OR8G1: variants seen among roughly 807,000 people sequenced by gnomAD.
OR8G1 encodes olfactory receptor 8G1.
For missense variants in OR8G1, 372 were observed against 356.2 expected, an observed-to-expected ratio of 1.04 and a Z score of -0.36; for synonymous variants, 129 against 133.3, an observed-to-expected ratio of 0.97 and a Z score of 0.22.
rs1861869505 is a variant in OR8G1 at position 124,251,791 on chromosome 11, C to G, written c.*1180C>G. 6.5e-6 allele frequency: 1 copy of G among 154,690 alleles called. No individual in the cohort carries two copies. Among genetic ancestry groups the G allele is most frequent in the Non-Finnish European group, 1.4e-5 (1 of 69,378 alleles). 9.6% of individuals were successfully genotyped at this position (154,690 alleles called of 1,614,324 possible). On this transcript the variant is annotated 3_prime_UTR_variant, in exon 3 of 3. Transcript: ENST00000641972. The stretch of plus-strand genomic sequence containing the variant: ...TGCCTAGAGCAGAACATAATTTTAC[C>G]TGTGCTGGTAATGAGAAAATTCCTT...
At chr11:124,249,513 TTAAA>T (rs1198899500) in intron 2 of OR8G1, 143 bp from the exon 3 acceptor site, 12 of 666,772 alleles carry the variant, frequency 1.8e-5, no homozygotes, top group Admixed American at 6.7e-5. Flanking sequence ...GAAAATAAGA[TTAAA>T]TAAATATTAT....
In OR8G1 at chr11:124,249,504, A is replaced by C. The variant is rs550428832; in HGVS notation, c.-16-156A>C. On this transcript the variant is annotated intron_variant, in intron 2 of 2. Transcript: ENST00000641972. ...ACATGAAACACATTTATTATATTTGAAAATAAGATTAAATAAATATTATTT... is the reference window on the plus strand; with the variant it reads ...ACATGAAACACATTTATTATATTTGCAAATAAGATTAAATAAATATTATTT... 3 of 284,336 alleles carry C rather than the reference A, an allele frequency of 1.1e-5. No individual in the cohort carries two copies. The South Asian group carries it at 4.1e-4, about 38-fold the overall frequency. The allele number at this position is 284,336 out of a possible 1,614,324, so 17.6% of individuals were successfully genotyped here. A position where few individuals can be genotyped will look rare whatever the true frequency, so the allele number is the denominator to read the frequency against.
At chr11:124,242,580 A>T (rs1861771265) in intron 1 of OR8G1, among the ~76,000 whole-genome samples, 1 of 148,882 alleles carries the variant, frequency 6.7e-6, no homozygotes, top group East Asian at 2.0e-4. Context: ...TCCATGGCAT[A>T]TGAGTTGGAA....
chr11:124,246,325 T>C (rs917053595), intron 1 of OR8G1, among the ~76,000 whole-genome samples: 1 of 152,002 alleles, frequency 6.6e-6, no homozygotes. Context: ...CTATTTTACG[T>C]GATACTATTT....
chr11:124,241,485 T>C (rs1010384015), intron 1 of OR8G1, 121 bp downstream of exon 1: 1 of 152,096 alleles, frequency 6.6e-6, no homozygotes, highest in Non-Finnish European at 1.5e-5. Flanking sequence ...TATGAAATGC[T>C]CTTTTAAACC....
In OR8G1 at chr11:124,253,488, T is replaced by C. The variant is rs1861882884; in HGVS notation, c.*2877T>C. The C allele has an allele frequency of 6.7e-6, 1 of 149,946 alleles. No individual in the cohort carries two copies. The highest frequency in any genetic ancestry group is 6.8e-5 in the Admixed American group (1 of 14,744). The allele number at this position is 149,946 out of a possible 1,614,324, so 9.3% of individuals were successfully genotyped here. Reference sequence around the variant, plus strand: ...ACAACTTTTAATGGTCAAAAAATATTGTATATATTATTGTGTACAAGTTAT... The same window carrying C: ...ACAACTTTTAATGGTCAAAAAATATCGTATATATTATTGTGTACAAGTTAT... On this transcript the variant is annotated 3_prime_UTR_variant, in exon 3 of 3. Coordinates refer to ENST00000641972, the MANE Select transcript of OR8G1 (RefSeq NM_001002905.2).
chr11:124,243,623 G>C (rs1861781236), intron 1 of OR8G1, among the ~76,000 whole-genome samples: 1 of 151,758 alleles, frequency 6.6e-6, no homozygotes, highest in Non-Finnish European at 1.5e-5. Context: ...TCATTGTATT[G>C]GCTATTTCTT....
chr11:124,249,911 C>T lies in OR8G1; in HGVS notation c.236C>T (p.Pro79Leu). 3.7e-6 allele frequency: 6 copies of T among 1,614,046 alleles called. No individual in the cohort carries two copies. Among genetic ancestry groups the T allele is most frequent in the East Asian group, 2.2e-5 (1 of 44,878 alleles). ...IDFCHSTVIT[P>L]KMLVNFVTEK... Reference sequence around the variant, plus strand: ...TTCTGCCATTCCACTGTCATTACCCCTAAGATGCTGGTGAACTTTGTGACA... The same window carrying T: ...TTCTGCCATTCCACTGTCATTACCCTTAAGATGCTGGTGAACTTTGTGACA... The change falls in exon 3 of 3, where the codon CCT (proline) becomes CTT (leucine). Residue 79 changes from proline to leucine, a missense_variant. Physicochemically the swap from Pro to Leu is moderately conservative, Grantham distance 98. Transcript: ENST00000641972.
At chr11:124,242,572 C>CCTG (rs1373152660) in intron 1 of OR8G1, among the ~76,000 whole-genome samples, 2,632 of 151,540 alleles carry the variant, frequency 0.017, 86 homozygotes, top group African/African-American at 0.06. Context: ...ATTTCAGTTC[C>CCTG]ATGGCATATG....
In OR8G1 at chr11:124,250,861, A is replaced by G; in HGVS notation, c.*250A>G. ...ATGAGTACATAGACTCATTAATGCCAGCCCCATGTTCTTACCTCTTTTCTT... is the reference window on the plus strand; with the variant it reads ...ATGAGTACATAGACTCATTAATGCCGGCCCCATGTTCTTACCTCTTTTCTT... On this transcript the variant is annotated 3_prime_UTR_variant, in exon 3 of 3. Coordinates refer to ENST00000641972, the MANE Select transcript of OR8G1 (RefSeq NM_001002905.2). The G allele has an allele frequency of 5.4e-6, 1 of 183,884 alleles. No homozygotes were observed. The highest frequency in any genetic ancestry group is 9.6e-6 in the Non-Finnish European group (1 of 103,986). 11.4% of individuals were successfully genotyped at this position (183,884 alleles called of 1,614,324 possible).
chr11:124,245,804 A>G (rs1348091845), intron 1 of OR8G1, among the ~76,000 whole-genome samples: 1 of 150,462 alleles, frequency 6.6e-6, no homozygotes, highest in Non-Finnish European at 1.5e-5. Flanking sequence ...TGGCTGCATA[A>G]ATGTCTTCTT....
At chr11:124,243,003 A>G (rs1402376619) in intron 1 of OR8G1, among the ~76,000 whole-genome samples, 1 of 152,034 alleles carries the variant, frequency 6.6e-6, no homozygotes, top group Admixed American at 6.6e-5. Flanking sequence ...TATAACTCAC[A>G]AAAAGAAAGT....
chr11:124,250,107 G>A lies in OR8G1; in HGVS notation c.432G>A (p.Leu144=). ...TATCCAATAAGGCTTGCTTTTCTCTGATTTTAGGGGTGTATATAATAGGCC... is the reference window on the plus strand; with the variant it reads ...TATCCAATAAGGCTTGCTTTTCTCTAATTTTAGGGGTGTATATAATAGGCC... ...VIISNKACFS[L]ILGVYIIGLV... is the part of the protein sequence containing the mutation. Residue 144 remains leucine (L), a synonymous_variant, in exon 3 of 3, where the codon CTG becomes CTA. Transcript: ENST00000641972. 1 of 1,613,704 alleles carries A rather than the reference G, an allele frequency of 6.2e-7. No individual in the cohort carries two copies. Among genetic ancestry groups the A allele is most frequent in the Non-Finnish European group, 8.5e-7 (1 of 1,179,812 alleles).
Position 124,249,644 on chromosome 11 carries a change from T to A in OR8G1, c.-16-16T>A, listed in dbSNP as rs766977639. The A allele has an allele frequency of 6.3e-7, 1 of 1,577,854 alleles. No homozygotes were observed. Among genetic ancestry groups the A allele is most frequent in the Non-Finnish European group, 8.6e-7 (1 of 1,164,432 alleles). On this transcript the variant is annotated splice_polypyrimidine_tract_variant and intron_variant, in intron 2 of 2. Transcript: ENST00000641972. ...AACCATGGGGTTTTTTTGTTTTGTTTTTTCTCTTCCTGCAGAAACTGACTG... is the reference window on the plus strand; with the variant it reads ...AACCATGGGGTTTTTTTGTTTTGTTATTTCTCTTCCTGCAGAAACTGACTG...
Position 124,250,405 on chromosome 11 carries a change from C to T in OR8G1, c.730C>T (p.His244Tyr). Residue 244 changes from histidine to tyrosine, a missense_variant, in exon 3 of 3, where the codon CAC becomes TAC. His to Tyr is a moderately conservative substitution (Grantham distance 83). Transcript: ENST00000641972. ...RSKAFSTCSS[H>Y]MLAVVIFFGS... Reference sequence around the variant, plus strand: ...CAAAGCCTTCAGCACTTGTAGCTCCCACATGTTGGCGGTTGTAATCTTTTT... The same window carrying T: ...CAAAGCCTTCAGCACTTGTAGCTCCTACATGTTGGCGGTTGTAATCTTTTT... 6.2e-7 allele frequency: 1 copy of T among 1,613,816 alleles called. No homozygotes were observed. Among genetic ancestry groups the T allele is most frequent in the East Asian group, 2.2e-5 (1 of 44,886 alleles).
At position 124,250,411 on chromosome 11, in the gene OR8G1, T is replaced by C. The variant is rs1241118250; in HGVS notation, c.736T>C (p.Leu246=). Residue 246 remains leucine, a synonymous_variant, in exon 3 of 3, where the codon TTG becomes CTG. Transcript: ENST00000641972. The part of the protein sequence containing the change: ...KAFSTCSSHM[L]AVVIFFGSAA... ...CTTCAGCACTTGTAGCTCCCACATG[T>C]TGGCGGTTGTAATCTTTTTTGGATC... 2.5e-6 allele frequency: 4 copies of C among 1,613,728 alleles called. No individual in the cohort carries two copies. The highest frequency in any genetic ancestry group is 3.4e-6 in the Non-Finnish European group (4 of 1,179,818).
At position 124,250,448 on chromosome 11, in the gene OR8G1, T is replaced by C. The variant is rs767830679; in HGVS notation, c.773T>C (p.Met258Thr). ...ATCTTTTTTGGATCTGCAGCATTCATGTACTTGCAGCCATCTTCAATCAGC... is the reference window on the plus strand; with the variant it reads ...ATCTTTTTTGGATCTGCAGCATTCACGTACTTGCAGCCATCTTCAATCAGC... ...VVIFFGSAAF[M>T]YLQPSSISSM... The change falls in exon 3 of 3, where the codon ATG becomes ACG. Residue 258 changes from methionine (M) to threonine (T), a missense_variant. By Grantham distance (81) the Met-to-Thr change is moderately conservative. Coordinates refer to ENST00000641972, the MANE Select transcript of OR8G1 (RefSeq NM_001002905.2). 6.2e-7 allele frequency: 1 copy of C among 1,613,814 alleles called. No individual in the cohort carries two copies. The highest frequency in any genetic ancestry group is 8.5e-7 in the Non-Finnish European group (1 of 1,179,818).
At chr11:124,248,924 G>T (rs890325872) in intron 2 of OR8G1, among the ~76,000 whole-genome samples, 1 of 152,038 alleles carries the variant, frequency 6.6e-6, no homozygotes, top group Non-Finnish European at 1.5e-5. Context: ...CACAGATTTG[G>T]AGTCAAGACA....
chr11:124,253,679 C>G lies in OR8G1; in HGVS notation c.*3068C>G, dbSNP rs1423683580. 2.0e-5 allele frequency: 3 copies of G among 152,024 alleles called. No homozygotes were observed. The highest frequency in any genetic ancestry group is 4.4e-5 in the Non-Finnish European group (3 of 68,010). The allele number at this position is 152,024 out of a possible 1,614,324, so 9.4% of individuals were successfully genotyped here. On this transcript the variant is annotated 3_prime_UTR_variant, in exon 3 of 3. Coordinates refer to ENST00000641972, the MANE Select transcript of OR8G1 (RefSeq NM_001002905.2). ...ATAGTTTTTAACTTATTCCTTCTAT[C>G]TAATTAAAATATTATATCCTTTGAC...
Sources: allele counts gnomAD v4.1 joint callset (sites outside exome capture counted in the v4.1 genomes callset), GRCh38; gene constraint gnomAD v4.1.1; transcripts MANE v1.5; gene names NCBI Gene and HGNC (gene_info 2026-07-23, HGNC 2026-07-21).